Variants in CCDC192 observed in about 807,000 individuals in gnomAD.
The protein encoded by CCDC192 is coiled-coil domain-containing protein 192.
chr5:127,819,135 C>T (rs1336545258), intron 5 of CCDC192, among the ~76,000 whole-genome samples: 1 of 152,122 alleles, frequency 6.6e-6, no homozygotes, highest in Non-Finnish European at 1.5e-5. Context: ...TTCCGGAAGT[C>T]CCTGAAACCC....
chr5:127,886,837 CAAA>C (rs2127151076), intron 6 of CCDC192, among the ~76,000 whole-genome samples: 1 of 151,906 alleles, frequency 6.6e-6, no homozygotes, highest in East Asian at 1.9e-4. Context: ...GATTGTAACT[CAAA>C]AAGGTAGATT....
At chr5:127,752,605 G>A (rs1164064842) in intron 2 of CCDC192, among the ~76,000 whole-genome samples, 2 of 152,244 alleles carry the variant, frequency 1.3e-5, no homozygotes, top group Non-Finnish European at 2.9e-5. Context: ...AGCCTACAGA[G>A]GCAGGCAGGC....
intron 6 of CCDC192, among the ~76,000 whole-genome samples, chr5:127,903,713 T>G (rs770309214): frequency 8.5e-5 from 13 of 152,198 alleles, no homozygotes; most frequent in Admixed American, 1.3e-4. Context: ...AGCTGATCAT[T>G]ACAAATACAA....
chr5:127,786,042 C>T, intron 3 of CCDC192: 1 of 639,328 alleles, frequency 1.6e-6, no homozygotes, highest in Non-Finnish European at 2.9e-6. Flanking sequence ...GCAGTTTTTT[C>T]AATTCTCCTA....
intron 6 of CCDC192, among the ~76,000 whole-genome samples, chr5:127,908,472 C>G (rs2127174045): frequency 6.6e-6 from 1 of 152,026 alleles, no homozygotes; most frequent in East Asian, 1.9e-4. Flanking sequence ...TTTTACTTTC[C>G]CAAAACAGAA....
At chr5:127,862,569 T>C (rs1751413320) in intron 5 of CCDC192, among the ~76,000 whole-genome samples, 1 of 152,178 alleles carries the variant, frequency 6.6e-6, no homozygotes, top group Admixed American at 6.5e-5. Flanking sequence ...TTAGAGAGAA[T>C]CTAGAGCATG....
At chr5:127,916,059 G>T (rs1228596942) in intron 6 of CCDC192, among the ~76,000 whole-genome samples, 2 of 152,196 alleles carry the variant, frequency 1.3e-5, no homozygotes, top group Admixed American at 1.3e-4. Flanking sequence ...CTCAGAACCT[G>T]CCACTAATTT....
At chr5:127,797,607 C>T (rs1757228893) in intron 4 of CCDC192, among the ~76,000 whole-genome samples, 2 of 150,898 alleles carry the variant, frequency 1.3e-5, no homozygotes, top group African/African-American at 4.9e-5. Flanking sequence ...TAATCAATTA[C>T]TTTATAAGAA....
intron 6 of CCDC192, among the ~76,000 whole-genome samples, chr5:127,888,451 C>A (rs1175558378): frequency 2.0e-5 from 3 of 151,756 alleles, no homozygotes; most frequent in African/African-American, 7.3e-5. Context: ...CATCTCTTGA[C>A]ATAAATTCTC....
intron 6 of CCDC192, among the ~76,000 whole-genome samples, chr5:127,922,611 C>T (rs1753752534): frequency 6.6e-6 from 1 of 152,176 alleles, no homozygotes; most frequent in South Asian, 2.1e-4. Flanking sequence ...TGTGGTGGCA[C>T]ACACTTGTAG....
At position 127,730,566 on chromosome 5, in the gene CCDC192, C is replaced by CA. The variant is rs377744407; in HGVS notation, c.114+22814dup. Reference sequence around the variant, plus strand: ...ATACCAAAACCTGGCAGAGATACAACAAAAAAAACTTTAGGCCAATATCCC... The same window carrying CA: ...ATACCAAAACCTGGCAGAGATACAACAAAAAAAAACTTTAGGCCAATATCCC... On this transcript the variant is annotated intron_variant, in intron 2 of 6. Transcript: ENST00000514853. Among the ~76,000 whole-genome samples the CA allele has an allele frequency of 1.4e-3, 211 of 151,306 alleles. 1 individual carries two copies. The Middle Eastern group carries it at 0.062, about 44-fold the overall frequency.
intron 5 of CCDC192, among the ~76,000 whole-genome samples, chr5:127,815,874 A>G (rs1391494744): frequency 1.3e-5 from 2 of 151,932 alleles, no homozygotes; most frequent in African/African-American, 2.4e-5. Context: ...TCTGAAAAAA[A>G]AAATAAAAAT....
At chr5:127,800,405 C>T (rs60141677) in intron 5 of CCDC192, among the ~76,000 whole-genome samples, 1 of 93,442 alleles carries the variant, frequency 1.1e-5, no homozygotes, top group Non-Finnish European at 2.0e-5. Context: ...AAAAAAACAA[C>T]AACAACAAAA....
chr5:127,781,071 A>G (rs551971690), intron 3 of CCDC192, among the ~76,000 whole-genome samples: 69 of 152,178 alleles, frequency 4.5e-4, no homozygotes, highest in African/African-American at 1.6e-3. Context: ...TCCCAGCACC[A>G]TTTGTTAAAA....
chr5:127,748,933 G>A (rs1463976877), intron 2 of CCDC192, among the ~76,000 whole-genome samples: 1 of 152,016 alleles, frequency 6.6e-6, no homozygotes, highest in African/African-American at 2.4e-5. Context: ...GTATAGGAAT[G>A]CCTGTGATTT....
rs964921756 is a variant in CCDC192, at chr5:127,737,517, G to A, written c.115-16751G>A. Among the ~76,000 whole-genome samples the A allele has an allele frequency of 2.6e-5, 4 of 151,510 alleles. No individual in the cohort carries two copies. In the East Asian group the frequency reaches 7.7e-4, roughly 29 times the overall value. ...TTTCTGTCTCGTTGATCTGTCTAAT[G>A]TTAACAGTGGGGTGTTAAAGTCTCC... On this transcript the variant is annotated intron_variant, in intron 2 of 6. Transcript: ENST00000514853.
intron 2 of CCDC192, among the ~76,000 whole-genome samples, chr5:127,717,928 C>CAAA: frequency 1.5e-4 from 15 of 98,048 alleles, no homozygotes; most frequent in South Asian, 3.6e-4. Flanking sequence ...TAAAGCTAGA[C>CAAA]AAAAAAAAAA....
intron 6 of CCDC192, among the ~76,000 whole-genome samples, chr5:127,918,259 A>AGTG (rs1176131356): frequency 6.6e-6 from 1 of 151,178 alleles, no homozygotes; most frequent in Non-Finnish European, 1.5e-5. Flanking sequence ...AGTGCAATAA[A>AGTG]GTGAAGCCCA....
At chr5:127,922,338 C>G (rs553790285) in intron 6 of CCDC192, among the ~76,000 whole-genome samples, 116 of 152,168 alleles carry the variant, frequency 7.6e-4, no homozygotes, top group Admixed American at 1.3e-3. Context: ...TGGGGAGGAG[C>G]CTCTGTTTAT....
Sources: gnomAD v4.1 joint callset for allele counts (sites outside exome capture counted in the v4.1 genomes callset) on GRCh38, gnomAD v4.1.1 for gene constraint, MANE v1.5 for transcripts, NCBI Gene and HGNC (gene_info 2026-07-23, HGNC 2026-07-21) for gene names.